Variants in NAALADL2 observed in about 807,000 individuals in gnomAD.
NAALADL2 encodes the protein N-acetylated alpha-linked acidic dipeptidase like 2, also known as inactive N-acetylated-alpha-linked acidic dipeptidase-like protein 2.
Under a neutral mutation model 87.2 loss-of-function variants are expected in NAALADL2, and 76 were observed. The ratio of observed to expected loss-of-function variants is 0.87; its 90% CI spans 0.72 to 1.05. The LOEUF (loss-of-function observed/expected upper bound fraction) is 1.05, where lower values mean the gene tolerates loss of function less well. Ranked by LOEUF, NAALADL2 falls within the 50% of genes least tolerant of loss-of-function variation. The pLI is 0.00. For missense variants in NAALADL2, 1,089 were observed against 945.8 expected, an observed-to-expected ratio of 1.15 and a Z score of -1.99; for synonymous variants, 354 against 331.0, an observed-to-expected ratio of 1.07 and a Z score of -0.75.
intron 5 of NAALADL2, among the ~76,000 whole-genome samples, chr3:175,428,720 A>G (rs778496436): frequency 2.6e-5 from 4 of 152,042 alleles, no homozygotes; most frequent in Non-Finnish European, 4.4e-5. Flanking sequence ...GGACAACTAT[A>G]GCTGCCTCCT....
At chr3:175,380,183 AAAACTT>A (rs1388409154) in intron 5 of NAALADL2, among the ~76,000 whole-genome samples, 1 of 152,048 alleles carries the variant, frequency 6.6e-6, no homozygotes, top group Non-Finnish European at 1.5e-5. Flanking sequence ...CATGTATCCT[AAAACTT>A]AAAGTATAAT....
chr3:175,703,053 A>G (rs1263615655), intron 11 of NAALADL2, among the ~76,000 whole-genome samples: 4 of 152,170 alleles, frequency 2.6e-5, no homozygotes, highest in African/African-American at 9.7e-5. Context: ...AATTAAATGT[A>G]GTCTCATCAT....
chr3:175,624,441 C>T (rs375722741), intron 10 of NAALADL2, among the ~76,000 whole-genome samples: 17 of 151,870 alleles, frequency 1.1e-4, no homozygotes, highest in East Asian at 7.7e-4. Context: ...AATAGCTTGG[C>T]GATATCTATT....
At chr3:175,397,286 G>C (rs1366515142) in intron 5 of NAALADL2, 1 of 152,040 alleles carries the variant, frequency 6.6e-6, no homozygotes, top group Non-Finnish European at 1.5e-5. Flanking sequence ...TCCTTTCACA[G>C]AGGCCATGCT....
intron 9 of NAALADL2, among the ~76,000 whole-genome samples, chr3:175,513,192 C>T (rs1482489207): frequency 4.6e-5 from 7 of 152,044 alleles, no homozygotes; most frequent in Non-Finnish European, 7.3e-5. Flanking sequence ...GTTCATTAAA[C>T]GTGCAGGGTA....
At chr3:175,410,503 T>G (rs751944015) in intron 5 of NAALADL2, among the ~76,000 whole-genome samples, 1 of 152,082 alleles carries the variant, frequency 6.6e-6, no homozygotes, top group Non-Finnish European at 1.5e-5. Context: ...CAGATGTTTA[T>G]GGAGGACTTA....
intron 4 of NAALADL2, among the ~76,000 whole-genome samples, chr3:175,282,416 A>G (rs1331746392): frequency 6.6e-6 from 1 of 152,116 alleles, no homozygotes; most frequent in African/African-American, 2.4e-5. Flanking sequence ...CTGTGACATC[A>G]GCTGCTTTTA....
chr3:174,797,305 C>CTTTTTTTTTTTTTTTTTCTTTTT (rs1718239990), intron 3 of NAALADL2, among the ~76,000 whole-genome samples: 1 of 72,720 alleles, frequency 1.4e-5, no homozygotes, highest in Non-Finnish European at 2.4e-5. Flanking sequence ...TTTCTTTTTT[C>CTTTTTTTTTTTTTTTTTCTTTTT]TTTTTTTTTT....
intron 6 of NAALADL2, chr3:175,460,274 C>T: frequency 6.8e-6 from 3 of 441,104 alleles, no homozygotes; most frequent in Non-Finnish European, 1.4e-5. Flanking sequence ...TAAACAGACT[C>T]TATGCATATT....
intron 9 of NAALADL2, among the ~76,000 whole-genome samples, chr3:175,477,441 G>T (rs1040672950): frequency 3.3e-5 from 5 of 152,000 alleles, no homozygotes; most frequent in African/African-American, 9.7e-5. Context: ...ATAATTGAAA[G>T]CCTGTAACTT....
chr3:175,623,079 A>T (rs1281902694), intron 10 of NAALADL2, among the ~76,000 whole-genome samples: 3 of 152,138 alleles, frequency 2.0e-5, no homozygotes, highest in Non-Finnish European at 4.4e-5. Context: ...AAGAAGGGCA[A>T]GAAGGATCTC....
intron 13 of NAALADL2, among the ~76,000 whole-genome samples, chr3:175,768,352 C>G (rs6786937): frequency 0.2 from 30,645 of 152,016 alleles, 4,167 homozygotes; most frequent in African/African-American, 0.39. Flanking sequence ...ACTCCCAGGG[C>G]CTCTGTATAC....
At chr3:175,105,184 A>G (rs1357504419) in intron 2 of NAALADL2, among the ~76,000 whole-genome samples, 7 of 152,038 alleles carry the variant, frequency 4.6e-5, no homozygotes, top group Non-Finnish European at 8.8e-5. Context: ...TGAATTCTCT[A>G]TTTGCCTTTG....
intron 2 of NAALADL2, among the ~76,000 whole-genome samples, chr3:175,201,065 A>G (rs1007068552): frequency 2.0e-4 from 30 of 152,280 alleles, no homozygotes; most frequent in Non-Finnish European, 3.2e-4. Context: ...CTGTGCTCCC[A>G]TAACACTCCA....
chr3:174,796,777 T>C (rs1343651547), intron 3 of NAALADL2, among the ~76,000 whole-genome samples: 2 of 152,126 alleles, frequency 1.3e-5, no homozygotes, highest in African/African-American at 2.4e-5. Context: ...CATTTGTATG[T>C]CTTCTTTTGA....
At chr3:174,659,207 G>T (rs1438936616) in intron 2 of NAALADL2, among the ~76,000 whole-genome samples, 3 of 151,988 alleles carry the variant, frequency 2.0e-5, no homozygotes, top group African/African-American at 7.2e-5. Context: ...AATTTTTCTT[G>T]GAACTAGTGT....
At chr3:174,640,454 AGTGT>A (rs60675602) in intron 2 of NAALADL2, among the ~76,000 whole-genome samples, 32,822 of 151,878 alleles carry the variant, frequency 0.22, 4,159 homozygotes, top group African/African-American at 0.34. Context: ...AAGATTGATC[AGTGT>A]GTGTGTGTGG....
chr3:175,182,809 C>T (rs1038970329), intron 2 of NAALADL2, among the ~76,000 whole-genome samples: 1 of 151,744 alleles, frequency 6.6e-6, no homozygotes, highest in Non-Finnish European at 1.5e-5. Context: ...AAAATAATTG[C>T]CTAGACCAAT....
chr3:175,582,905 C>T (rs752126986), intron 10 of NAALADL2, among the ~76,000 whole-genome samples: 1 of 152,196 alleles, frequency 6.6e-6, no homozygotes, highest in East Asian at 1.9e-4. Flanking sequence ...ACAGTAAGAC[C>T]CTTTCTGGAG....
Sources: allele counts gnomAD v4.1 joint callset (sites outside exome capture counted in the v4.1 genomes callset), GRCh38; gene constraint gnomAD v4.1.1; transcripts MANE v1.5; gene names NCBI Gene and HGNC (gene_info 2026-07-23, HGNC 2026-07-21).